The following C3orf22 variants were observed in gnomAD, a reference collection of about 807,000 sequenced individuals.
The protein encoded by C3orf22 is chromosome 3 open reading frame 22, also known as uncharacterized protein C3orf22.
C3orf22 carries 7 observed loss-of-function variants against 10.8 expected under a neutral mutation model. The ratio of observed to expected loss-of-function variants is 0.65; its 90% CI spans 0.37 to 1.22. The LOEUF (loss-of-function observed/expected upper bound fraction) is 1.22, where lower values mean the gene tolerates loss of function less well. Ranked by LOEUF, C3orf22 falls within the 50% of genes most tolerant of loss-of-function variation. C3orf22 has a pLI of 0.02. For missense variants in C3orf22, 173 were observed against 177.0 expected, an observed-to-expected ratio of 0.98 and a Z score of 0.13; for synonymous variants, 79 against 78.9, an observed-to-expected ratio of 1.00 and a Z score of 0.00.
intron 3 of C3orf22, 95 bp from the exon 4 acceptor site, chr3:126,550,173 AGGGCT>A: frequency 7.2e-7 from 1 of 1,398,112 alleles, no homozygotes; most frequent in Non-Finnish European, 9.8e-7. Context: ...CACATCTGGG[AGGGCT>A]CCAACTGAGA....
At chr3:126,539,286 T>C (rs887350800) in intron 4 of C3orf22, among the ~76,000 whole-genome samples, 1 of 152,144 alleles carries the variant, frequency 6.6e-6, no homozygotes, top group Non-Finnish European at 1.5e-5. Context: ...CCACCCTTTG[T>C]GAAACGTTTT....
At chr3:126,539,004 C>T (rs1342647163) in intron 4 of C3orf22, among the ~76,000 whole-genome samples, 1 of 152,176 alleles carries the variant, frequency 6.6e-6, no homozygotes, top group Non-Finnish European at 1.5e-5. Context: ...CAGACATGCT[C>T]TAGGCGTGTA....
intron 4 of C3orf22, chr3:126,542,307 C>A: frequency 6.4e-7 from 1 of 1,568,004 alleles, no homozygotes; most frequent in South Asian, 1.2e-5. Context: ...CGCGCGCACG[C>A]GCTCTGCCAC....
At chr3:126,541,699 C>G (rs1160062592) in intron 4 of C3orf22, 2 of 1,412,106 alleles carry the variant, frequency 1.4e-6, no homozygotes, top group Non-Finnish European at 9.2e-7. Context: ...GCTGCCCTGA[C>G]GCGTCCCCCT....
At chr3:126,555,820 G>A (rs1271957495) in intron 1 of C3orf22, among the ~76,000 whole-genome samples, 1 of 152,120 alleles carries the variant, frequency 6.6e-6, no homozygotes, top group East Asian at 1.9e-4. Context: ...GCCCCTCCAG[G>A]GCTGTGCCAG....
downstream of C3orf22, among the ~76,000 whole-genome samples, chr3:126,545,693 C>T (rs554837908): frequency 9.2e-5 from 14 of 152,342 alleles, no homozygotes; most frequent in South Asian, 4.1e-4. Context: ...GTCACCAGCA[C>T]ACTCCAAGGG....
chr3:126,534,575 A>G (rs983363438), intron 4 of C3orf22, among the ~76,000 whole-genome samples: 1 of 151,760 alleles, frequency 6.6e-6, no homozygotes, highest in African/African-American at 2.4e-5. Flanking sequence ...CAGGAGAGAG[A>G]CACACACAGA....
chr3:126,534,021 T>G (rs1312989094), intron 4 of C3orf22, among the ~76,000 whole-genome samples: 1 of 152,202 alleles, frequency 6.6e-6, no homozygotes, highest in African/African-American at 2.4e-5. Flanking sequence ...TTGTTCAGAG[T>G]TCTCTTGTAA....
chr3:126,530,178 C>T (rs1015987335), intron 4 of C3orf22, among the ~76,000 whole-genome samples: 3 of 152,196 alleles, frequency 2.0e-5, no homozygotes, highest in African/African-American at 7.2e-5. Context: ...CCAGGCTCCT[C>T]GGGGCAGGGT....
At chr3:126,556,609 G>A (rs1189385296) in intron 1 of C3orf22, among the ~76,000 whole-genome samples, 1 of 151,932 alleles carries the variant, frequency 6.6e-6, no homozygotes, top group Non-Finnish European at 1.5e-5. Flanking sequence ...CGGCCGCTAA[G>A]CAGGTTTCCC....
rs1937146891 is a variant in C3orf22 at position 126,550,052 on chromosome 3, G to A, written c.242C>T (p.Pro81Leu). Residue 81 changes from proline (P) to leucine (L), a missense_variant, in exon 4 of 4, where the codon CCG becomes CTG. Coordinates refer to ENST00000318225, the MANE Select transcript of C3orf22 (RefSeq NM_152533.3). ...TAGTGGTGCCGGGCAGGAGCCAGAC[G>A]GTGATGTAAAATCTGGAGCCCCGAG... is the stretch of plus-strand genomic sequence containing the variant. Reference protein sequence around the residue: ...RGLGAPDFTSPSGSCPAPLPA... With the variant: ...RGLGAPDFTSLSGSCPAPLPA... 7.4e-6 allele frequency: 12 copies of A among 1,613,790 alleles called. No homozygotes were observed. The highest frequency in any genetic ancestry group is 2.2e-5 in the South Asian group (2 of 91,084).
chr3:126,529,975 G>A (rs563318380), intron 4 of C3orf22, among the ~76,000 whole-genome samples: 1 of 152,332 alleles, frequency 6.6e-6, no homozygotes, highest in East Asian at 1.9e-4. Context: ...GTGGAGGGAC[G>A]GGGGTACAGA....
chr3:126,545,306 T>C (rs1055750402), downstream of C3orf22, among the ~76,000 whole-genome samples: 5 of 152,272 alleles, frequency 3.3e-5, no homozygotes, highest in African/African-American at 1.2e-4. Context: ...TGGATAGTGC[T>C]GGCAGGACAC....
chr3:126,542,263 G>T lies in C3orf22; in HGVS notation c.286+7274C>A, dbSNP rs376899694. On this transcript the variant is annotated intron_variant and NMD_transcript_variant, in intron 4 of 5. Coordinates refer to the C3orf22 transcript ENST00000505070. ...TGGCCTACCTGCTGGACCCGCGCAC[G>T]CGGCGTGAGGAGCCCTTCAACGAGC... 57 of 1,553,210 alleles carry T rather than the reference G, an allele frequency of 3.7e-5. No individual in the cohort carries two copies. In the Admixed American group the frequency reaches 9.0e-4, roughly 25 times the overall value.
At chr3:126,535,664 G>A (rs898802114) in intron 4 of C3orf22, among the ~76,000 whole-genome samples, 3 of 152,370 alleles carry the variant, frequency 2.0e-5, no homozygotes, top group African/African-American at 7.2e-5. Flanking sequence ...CTCAGCTGGA[G>A]ACAGACAGAC....
At chr3:126,531,434 GAAGC>G (rs543049552) in intron 4 of C3orf22, among the ~76,000 whole-genome samples, 204 of 152,362 alleles carry the variant, frequency 1.3e-3, no homozygotes, top group African/African-American at 4.8e-3. Flanking sequence ...AAGGATCACA[GAAGC>G]ATTTATCCTT....
chr3:126,534,293 G>C (rs1038492439), intron 4 of C3orf22, among the ~76,000 whole-genome samples: 1 of 152,202 alleles, frequency 6.6e-6, no homozygotes, highest in East Asian at 1.9e-4. Context: ...TGCATAAAAA[G>C]ATATTCCTTA....
At chr3:126,532,671 TGTATA>T (rs1936682862) in intron 4 of C3orf22, among the ~76,000 whole-genome samples, 1 of 152,248 alleles carries the variant, frequency 6.6e-6, no homozygotes, top group South Asian at 2.1e-4. Context: ...TTATTGTGGC[TGTATA>T]GTAAAGTTGT....
Position 126,551,985 on chromosome 3 carries a change from GC to G in C3orf22, c.215+11del. On this transcript the variant is annotated intron_variant, in intron 3 of 3. Transcript: ENST00000318225. ...AGCCAGTGGGGGTGGTGGCATCAGG[GC>G]AGGGACTTACCCTCGGACTGGGATG... The G allele has an allele frequency of 6.2e-7, 1 of 1,603,538 alleles. No homozygotes were observed. The highest frequency in any genetic ancestry group is 1.3e-5 in the African/African-American group (1 of 74,496).
Sources: allele counts gnomAD v4.1 joint callset (sites outside exome capture counted in the v4.1 genomes callset), GRCh38; gene constraint gnomAD v4.1.1; transcripts MANE v1.5; gene names NCBI Gene and HGNC (gene_info 2026-07-23, HGNC 2026-07-21).